The following RHOT1 variants were observed in gnomAD, a reference collection of about 807,000 sequenced individuals.
RHOT1 encodes the protein mitochondrial Rho GTPase 1.
RHOT1 carries 27 observed loss-of-function variants against 95.3 expected under a neutral mutation model. The ratio of observed to expected loss-of-function variants is 0.28; its 90% CI spans 0.21 to 0.39. RHOT1 has a LOEUF of 0.39. Among genes scored for constraint, RHOT1 ranks in the 10% least tolerant of loss-of-function variants. The pLI, the probability that RHOT1 is intolerant of heterozygous loss-of-function variation, is 1.00. For synonymous variants in RHOT1, 227 were observed against 263.5 expected, an observed-to-expected ratio of 0.86 and a Z score of 1.34; for missense variants, 578 against 786.7, an observed-to-expected ratio of 0.73 and a Z score of 3.17.
At position 32,211,245 on chromosome 17, in the gene RHOT1, A is replaced by AACTTTATTTACTGG. The variant is rs755921650; in HGVS notation, c.1862+8_1862+21dup. 1 of 1,595,918 alleles carries AACTTTATTTACTGG rather than the reference A, an allele frequency of 6.3e-7. No homozygotes were observed. Among genetic ancestry groups the AACTTTATTTACTGG allele is most frequent in the Non-Finnish European group, 8.6e-7 (1 of 1,167,572 alleles). On this transcript the variant is annotated splice_region_variant and intron_variant, in intron 19 of 19. Transcript: ENST00000545287. ...TCACTGCAGTTCTTAACAGGTTCTT[A>AACTTTATTTACTGG]ACTTTATTTACTGGGTACCAGGCAT... is the stretch of plus-strand genomic sequence containing the variant.
chr17:32,174,101 G>C (rs1019736590), intron 3 of RHOT1, among the ~76,000 whole-genome samples, 189 bp downstream of exon 3: 8 of 152,150 alleles, frequency 5.3e-5, no homozygotes, highest in African/African-American at 1.9e-4. Flanking sequence ...GCCTCCATCT[G>C]ACAGTTCTTC....
intron 8 of RHOT1, among the ~76,000 whole-genome samples, chr17:32,188,354 A>G (rs2142729561): frequency 6.6e-6 from 1 of 152,370 alleles, no homozygotes; most frequent in South Asian, 2.1e-4. Flanking sequence ...AGTTTCCATT[A>G]ACCTTCAATT....
intron 19 of RHOT1, among the ~76,000 whole-genome samples, chr17:32,221,928 TCATCTC>T (rs2038858449): frequency 6.6e-6 from 1 of 152,102 alleles, no homozygotes; most frequent in Admixed American, 6.5e-5. Context: ...TAGTGAGACT[TCATCTC>T]TATCAACAAA....
At chr17:32,154,277 C>T (rs955422018) in intron 1 of RHOT1, among the ~76,000 whole-genome samples, 7 of 135,156 alleles carry the variant, frequency 5.2e-5, no homozygotes, top group African/African-American at 2.0e-4. Flanking sequence ...CCCGTCTCTA[C>T]GAGAAATTAA....
chr17:32,159,054 G>T (rs1220003460), intron 1 of RHOT1, among the ~76,000 whole-genome samples: 1 of 152,088 alleles, frequency 6.6e-6, no homozygotes, highest in Non-Finnish European at 1.5e-5. Flanking sequence ...CTGCTTCCAG[G>T]CCTGGAGCCT....
At chr17:32,176,339 G>A (rs1480314652) in intron 6 of RHOT1, 126 bp downstream of exon 6, 12 of 725,696 alleles carry the variant, frequency 1.7e-5, no homozygotes, top group Middle Eastern at 3.9e-4. Context: ...GTTTTGCCAC[G>A]TTTGCCTTAT....
intron 1 of RHOT1, among the ~76,000 whole-genome samples, chr17:32,143,733 C>T (rs1164080304): frequency 6.6e-6 from 1 of 152,202 alleles, no homozygotes; most frequent in Non-Finnish European, 1.5e-5. Context: ...GAAAGTGGGC[C>T]AGGGATAACT....
chr17:32,171,743 G>A (rs189953434), intron 2 of RHOT1, among the ~76,000 whole-genome samples: 6 of 152,068 alleles, frequency 3.9e-5, no homozygotes, highest in Non-Finnish European at 7.4e-5. Context: ...TGTTTTTGTC[G>A]GAACCACTAG....
chr17:32,161,049 A>G (rs2033497405), intron 1 of RHOT1, among the ~76,000 whole-genome samples: 1 of 152,206 alleles, frequency 6.6e-6, no homozygotes. Flanking sequence ...TGCCTGCTAC[A>G]CAGACAGACC....
At chr17:32,177,438 C>T (rs912789783) in intron 6 of RHOT1, among the ~76,000 whole-genome samples, 5 of 152,084 alleles carry the variant, frequency 3.3e-5, no homozygotes, top group African/African-American at 1.2e-4. Flanking sequence ...TTGCTTGCGC[C>T]ATTTCTAGGA....
intron 19 of RHOT1, chr17:32,220,921 G>A (rs2038793321): frequency 6.2e-6 from 2 of 320,588 alleles, no homozygotes; most frequent in Admixed American, 1.3e-4. Flanking sequence ...GTGTATATTA[G>A]CTTTTTTATA....
rs1356549310 is a variant in RHOT1 at position 32,175,958 on chromosome 17, C to G, written c.223-4C>G. On this transcript the variant is annotated splice_polypyrimidine_tract_variant and splice_region_variant and intron_variant, in intron 4 of 19. Transcript: ENST00000545287. ...TACGATTAATTTGTTAATTTTTCTTCTAGGCTAATGTCATCTGTATAGTGT... is the reference window on the plus strand; with the variant it reads ...TACGATTAATTTGTTAATTTTTCTTGTAGGCTAATGTCATCTGTATAGTGT... The G allele has an allele frequency of 1.3e-6, 2 of 1,536,576 alleles. No individual in the cohort carries two copies. Among genetic ancestry groups the G allele is most frequent in the South Asian group, 1.3e-5 (1 of 78,176 alleles).
chr17:32,202,676 G>C (rs2037409064), intron 14 of RHOT1, 94 bp from the exon 15 acceptor site: 1 of 800,014 alleles, frequency 1.2e-6, no homozygotes, highest in Non-Finnish European at 1.9e-6. Context: ...AAAATAATAA[G>C]CAGCAATGCC....
chr17:32,143,305 A>G (rs1054752869), intron 1 of RHOT1, among the ~76,000 whole-genome samples: 3 of 152,298 alleles, frequency 2.0e-5, no homozygotes, highest in South Asian at 2.1e-4. Context: ...ATGTATTGAC[A>G]TTAAGATATG....
chr17:32,187,195 G>A (rs1296946920), intron 8 of RHOT1, among the ~76,000 whole-genome samples: 4 of 152,070 alleles, frequency 2.6e-5, no homozygotes, highest in Non-Finnish European at 4.4e-5. Flanking sequence ...GCTGAGGCAC[G>A]AGAATCATTT....
chr17:32,175,366 A>C lies in RHOT1; in HGVS notation c.222+4A>C. ...ACTTCATCAAGAAATATCTCAGGTGAGCTTTAAAAAACAGAGGTGTGGGGT... is the reference window on the plus strand; with the variant it reads ...ACTTCATCAAGAAATATCTCAGGTGCGCTTTAAAAAACAGAGGTGTGGGGT... On this transcript the variant is annotated splice_donor_region_variant and intron_variant, in intron 4 of 19. Transcript: ENST00000545287. 6.2e-7 allele frequency: 1 copy of C among 1,612,502 alleles called. No homozygotes were observed. Among genetic ancestry groups the C allele is most frequent in the Non-Finnish European group, 8.5e-7 (1 of 1,178,542 alleles).
chr17:32,149,615 A>ATGTGTGTGTGTG (rs1272063309), intron 1 of RHOT1, among the ~76,000 whole-genome samples: 18 of 84,090 alleles, frequency 2.1e-4, no homozygotes, highest in African/African-American at 1.1e-3. Context: ...ATATATATAT[A>ATGTGTGTGTGTG]TATATATATA....
intron 3 of RHOT1, among the ~76,000 whole-genome samples, chr17:32,174,814 A>C (rs2034863165): frequency 6.6e-6 from 1 of 152,162 alleles, no homozygotes; most frequent in African/African-American, 2.4e-5. Flanking sequence ...ACCCATTGAG[A>C]CCAGTTCTAG....
At chr17:32,175,611 C>T (rs534898109) in intron 4 of RHOT1, among the ~76,000 whole-genome samples, 103 of 152,286 alleles carry the variant, frequency 6.8e-4, no homozygotes, top group African/African-American at 2.4e-3. Context: ...CATGCACCAC[C>T]ATGCCCAGCT....
Sources: gnomAD v4.1 joint callset for allele counts (sites outside exome capture counted in the v4.1 genomes callset) on GRCh38, gnomAD v4.1.1 for gene constraint, MANE v1.5 for transcripts, NCBI Gene and HGNC (gene_info 2026-07-23, HGNC 2026-07-21) for gene names.